Variants in VPS13D observed in about 807,000 individuals in gnomAD.
VPS13D encodes the protein vacuolar protein sorting 13 homolog D.
VPS13D carries 187 observed loss-of-function variants against 461.9 expected under a neutral mutation model. That is an observed-to-expected ratio of 0.40 (90% CI 0.36 to 0.46). The LOEUF is 0.46. Ranked by LOEUF, VPS13D falls within the 20% of genes least tolerant of loss-of-function variation. VPS13D has a pLI of 0.60. For synonymous variants in VPS13D, 1,951 were observed against 1,986.3 expected (o/e 0.98, Z 0.47); for missense variants, 4,711 against 5,364.9 (o/e 0.88, Z 3.81).
chr1:12,384,452 T>C (rs994392296), intron 58 of VPS13D, among the ~76,000 whole-genome samples: 1 of 152,118 alleles, frequency 6.6e-6, no homozygotes, highest in Non-Finnish European at 1.5e-5. Context: ...TATGTGAAGA[T>C]GTCCATAAGT....
intron 65 of VPS13D, among the ~76,000 whole-genome samples, chr1:12,442,503 T>C (rs1645143169): frequency 6.6e-6 from 1 of 152,152 alleles, no homozygotes; most frequent in Admixed American, 6.5e-5. Flanking sequence ...TGTTTGAATA[T>C]ACAAGTTATT....
intron 65 of VPS13D, among the ~76,000 whole-genome samples, chr1:12,428,292 G>A (rs1192940915): frequency 6.6e-6 from 1 of 152,188 alleles, no homozygotes; most frequent in Non-Finnish European, 1.5e-5. Context: ...TTGGTCCCTG[G>A]ATACAGGCAC....
chr1:12,275,790 G>C (rs747270619), intron 18 of VPS13D, 35 bp from the exon 19 acceptor site: 3 of 1,526,034 alleles, frequency 2.0e-6, no homozygotes, highest in South Asian at 1.3e-5. Context: ...GGAAATAGCA[G>C]ACATATATTT....
At chr1:12,433,791 C>G (rs1178520923) in intron 65 of VPS13D, among the ~76,000 whole-genome samples, 1 of 152,172 alleles carries the variant, frequency 6.6e-6, no homozygotes, top group Non-Finnish European at 1.5e-5. Context: ...TCCCGCTAAT[C>G]AGGCCTGCAC....
chr1:12,507,377 CGTT>C lies in VPS13D; in HGVS notation c.13035+286_13035+288del, dbSNP rs1557485383. 2 of 645,038 alleles carry C rather than the reference CGTT, an allele frequency of 3.1e-6. No homozygotes were observed. Among genetic ancestry groups the C allele is most frequent in the Non-Finnish European group, 5.8e-6 (2 of 341,930 alleles). The allele number at this position is 645,038 out of a possible 1,614,324, so 40.0% of individuals were successfully genotyped here. A position where few individuals can be genotyped will look rare whatever the true frequency, so the allele number is the denominator to read the frequency against. ...TAGTGAGGGTAACAATACTTACTCTCGTTGGTGATAAGGAACAGCTAACACAAC... is the reference window on the plus strand; with the variant it reads ...TAGTGAGGGTAACAATACTTACTCTCGGTGATAAGGAACAGCTAACACAAC... On this transcript the variant is annotated intron_variant, in intron 69 of 69. Coordinates refer to ENST00000620676, the MANE Select transcript of VPS13D (RefSeq NM_015378.4). This position sits in a 1 kb window ranked among gnomAD's most constrained non-coding sequence, Gnocchi z 5.3.
In VPS13D at chr1:12,322,567, C is replaced by T; in HGVS notation, c.7736C>T (p.Ser2579Phe). ...IQLQALDIRLSYNDVQLFLAI... is the reference protein window; with the variant it reads ...IQLQALDIRLFYNDVQLFLAI... ...TTACAAGCCCTGGATATCAGACTCT[C>T]CTATAATGATGTTCAGCTGTTTCTT... The change falls in exon 34 of 70, where the codon TCC (serine) becomes TTC (phenylalanine). Residue 2579 changes from serine to phenylalanine, a missense_variant. Around this residue, in one of 3 missense-constraint regions of VPS13D, gnomAD observed 4,411 missense variants for 4,937.8 expected, o/e 0.89. Coordinates refer to ENST00000620676, the MANE Select transcript of VPS13D (RefSeq NM_015378.4). 6.2e-7 allele frequency: 1 copy of T among 1,614,202 alleles called. No individual in the cohort carries two copies. The highest frequency in any genetic ancestry group is 8.5e-7 in the Non-Finnish European group (1 of 1,180,030).
chr1:12,461,632 A>C (rs373540656), intron 67 of VPS13D, among the ~76,000 whole-genome samples: 1 of 152,234 alleles, frequency 6.6e-6, no homozygotes, highest in Admixed American at 6.5e-5. Flanking sequence ...AAGCCCAAGA[A>C]GTCCACCTCC....
In VPS13D at chr1:12,383,045, C is replaced by G. The variant is rs771560480; in HGVS notation, c.11260C>G (p.Leu3754Val). 35 of 1,614,014 alleles carry G rather than the reference C, an allele frequency of 2.2e-5. No homozygotes were observed. The highest frequency in any genetic ancestry group is 2.9e-5 in the Non-Finnish European group (34 of 1,180,024). The change falls in exon 58 of 70, where the codon CTT (leucine) becomes GTT (valine). Residue 3754 changes from leucine (L) to valine (V), a missense_variant. Around this residue, in one of 3 missense-constraint regions of VPS13D, gnomAD observed 4,411 missense variants for 4,937.8 expected, o/e 0.89. Transcript: ENST00000620676. Reference sequence around the variant, plus strand: ...TCTTGGTCCTGACACTTCCATGGAGCTTTTGGGGCCAGTTCCACCTGAACA... The same window carrying G: ...TCTTGGTCCTGACACTTCCATGGAGGTTTTGGGGCCAGTTCCACCTGAACA... ...VVLGPDTSMELLGPVPPEQQF... is the reference protein window; with the variant it reads ...VVLGPDTSMEVLGPVPPEQQF...
intron 33 of VPS13D, among the ~76,000 whole-genome samples, 170 bp from the exon 34 acceptor site, chr1:12,322,366 T>G (rs1413899364): frequency 6.6e-6 from 1 of 152,216 alleles, no homozygotes; most frequent in Admixed American, 6.5e-5. Flanking sequence ...ACATCTTACC[T>G]TACGGTTATT....
At chr1:12,439,510 G>T (rs1488703797) in intron 65 of VPS13D, among the ~76,000 whole-genome samples, 1 of 149,886 alleles carries the variant, frequency 6.7e-6, no homozygotes, top group Middle Eastern at 3.2e-3. Context: ...TTTTGTTACT[G>T]CTTTTATTTT....
intron 25 of VPS13D, among the ~76,000 whole-genome samples, chr1:12,304,166 TGC>T (rs1642498423): frequency 6.6e-6 from 1 of 152,212 alleles, no homozygotes; most frequent in Non-Finnish European, 1.5e-5. Flanking sequence ...CTGAGAGACT[TGC>T]TTTTGCCGCA....
At chr1:12,356,142 A>G in intron 48 of VPS13D, 52 bp downstream of exon 48, 3 of 1,542,902 alleles carry the variant, frequency 1.9e-6, no homozygotes, top group Non-Finnish European at 2.6e-6. Context: ...ATGGGAATTC[A>G]GATTTATTTG....
intron 60 of VPS13D, among the ~76,000 whole-genome samples, chr1:12,395,499 A>AT (rs1170347391): frequency 6.6e-6 from 1 of 152,050 alleles, no homozygotes; most frequent in African/African-American, 2.4e-5. Flanking sequence ...TTTTTCCACA[A>AT]TTTCAGCTCT....
rs750880725 is a variant in VPS13D, at chr1:12,369,464, T to C, written c.10573-3T>C. The C allele has an allele frequency of 1.2e-6, 2 of 1,614,108 alleles. No homozygotes were observed. Among genetic ancestry groups the C allele is most frequent in the Non-Finnish European group, 1.7e-6 (2 of 1,179,974 alleles). On this transcript the variant is annotated splice_region_variant and splice_polypyrimidine_tract_variant and intron_variant, in intron 53 of 69. Coordinates refer to ENST00000620676, the MANE Select transcript of VPS13D (RefSeq NM_015378.4). ...CTCTTTGTCCTCTCTGCCATCACTC[T>C]AGGTCCCGGTTGTCTTTACTCAGCA...
chr1:12,282,911 T>C lies in VPS13D; in HGVS notation c.4809T>C (p.Ser1603=). The C allele has an allele frequency of 6.2e-7, 1 of 1,614,170 alleles. No homozygotes were observed. The highest frequency in any genetic ancestry group is 1.1e-5 in the South Asian group (1 of 91,086). The change falls in exon 21 of 70, where the codon TCT becomes TCC. Residue 1603 remains serine (S), a synonymous_variant. Coordinates refer to ENST00000620676, the MANE Select transcript of VPS13D (RefSeq NM_015378.4). The part of the protein sequence containing the change: ...LFSHSSLSNT[S]QKSLSVKEVK... ...GCCACTCCAGCCTTTCTAACACCTC[T>C]CAGAAGTCATTGTCAGTGAAGGAAG...
At chr1:12,404,098 A>G (rs1455620964) in intron 63 of VPS13D, 125 bp downstream of exon 63, 22 of 691,644 alleles carry the variant, frequency 3.2e-5, no homozygotes, top group Non-Finnish European at 4.7e-5. Flanking sequence ...ATCATCATTC[A>G]TAGCAGACAT....
At position 12,299,784 on chromosome 1, in the gene VPS13D, CTG is replaced by C. The variant is rs1481421057; in HGVS notation, c.6216+403_6216+404del. Among the ~76,000 whole-genome samples, 3 of 152,052 alleles carry C rather than the reference CTG, an allele frequency of 2.0e-5. No homozygotes were observed. Among genetic ancestry groups the C allele is most frequent in the East Asian group, 1.9e-4 (1 of 5,190 alleles). On this transcript the variant is annotated intron_variant, in intron 25 of 69. Coordinates refer to ENST00000620676, the MANE Select transcript of VPS13D (RefSeq NM_015378.4). The surrounding 1 kb of genome is among the most constrained non-coding windows in gnomAD (Gnocchi z 4.2). ...TTCTATAATATAAACGTTTTAGACT[CTG>C]TGGCTTTTTTCAGAGGACGTGATTG...
chr1:12,358,292 A>G (rs1481480016), intron 49 of VPS13D, among the ~76,000 whole-genome samples, 167 bp from the exon 50 acceptor site: 2 of 152,196 alleles, frequency 1.3e-5, no homozygotes, highest in Admixed American at 6.5e-5. Flanking sequence ...AGCTTTAACC[A>G]CTGATGAATT....
chr1:12,364,132 G>A (rs1643994987), intron 52 of VPS13D, among the ~76,000 whole-genome samples: 1 of 151,918 alleles, frequency 6.6e-6, no homozygotes. Context: ...ACTGGTGTAA[G>A]TACATTTACA....
Sources: allele counts gnomAD v4.1 joint callset (sites outside exome capture counted in the v4.1 genomes callset), GRCh38; gene constraint gnomAD v4.1.1; regional missense constraint gnomAD v4.1.1; non-coding constraint Gnocchi (gnomAD v3.1); transcripts MANE v1.5; gene names NCBI Gene and HGNC (gene_info 2026-07-23, HGNC 2026-07-21).